ENPP7: variants seen among roughly 807,000 people sequenced by gnomAD.
ENPP7 encodes ectonucleotide pyrophosphatase/phosphodiesterase family member 7.
A neutral mutation model predicts 33.6 loss-of-function variants in ENPP7; 39 were observed. The ratio of observed to expected loss-of-function variants is 1.16; its 90% CI spans 0.90 to 1.52. The LOEUF (loss-of-function observed/expected upper bound fraction) is 1.52, where lower values mean the gene tolerates loss of function less well. Ranked by LOEUF, ENPP7 falls within the 40% of genes most tolerant of loss-of-function variation. ENPP7 has a pLI of 0.00. For synonymous variants in ENPP7, 244 were observed against 274.3 expected (o/e 0.89, Z 1.09); for missense variants, 594 against 641.0 (o/e 0.93, Z 0.79).
Position 79,738,186 on chromosome 17 carries a change from T to C in ENPP7, c.*16+124T>C. 1.0e-6 allele frequency: 1 copy of C among 987,182 alleles called. No homozygotes were observed. The highest frequency in any genetic ancestry group is 1.6e-5 in the African/African-American group (1 of 62,428). 61.2% of individuals were successfully genotyped at this position (987,182 alleles called of 1,614,324 possible). A position where few individuals can be genotyped will look rare whatever the true frequency, so the allele number is the denominator to read the frequency against. On this transcript the variant is annotated intron_variant, in intron 5 of 5. Coordinates refer to ENST00000328313, the MANE Select transcript of ENPP7 (RefSeq NM_178543.5). This position sits in a 1 kb window ranked among gnomAD's most constrained non-coding sequence, Gnocchi z 6.2. Reference sequence around the variant, plus strand: ...TGCCAGGCCCCGCCAAGCAGGTGACTCCCACTGACCTGGCTGCCCCAGAGA... The same window carrying C: ...TGCCAGGCCCCGCCAAGCAGGTGACCCCCACTGACCTGGCTGCCCCAGAGA...
rs1555823794 is a variant in ENPP7, at chr17:79,737,222, A to G, written c.1208A>G (p.Asp403Gly). ...RLLGIVPEAN[D>G]GHLATLLPML... ...CTGGGCATCGTGCCCGAGGCCAACG[A>G]TGGGCACCTAGCTACTCTGCTGCCC... The change falls in exon 4 of 6, where the codon GAT (aspartate) becomes GGT (glycine). Residue 403 changes from aspartate (D) to glycine (G), a missense_variant. Physicochemically the swap from Asp to Gly is moderately conservative, Grantham distance 94. This residue lies in a region of ENPP7 where 504 missense variants were observed against 512.8 expected (regional missense o/e 0.98). Coordinates refer to ENST00000328313, the MANE Select transcript of ENPP7 (RefSeq NM_178543.5). This position sits in a 1 kb window ranked among gnomAD's most constrained non-coding sequence, Gnocchi z 5.5. 6.2e-7 allele frequency: 1 copy of G among 1,610,812 alleles called. No homozygotes were observed. The highest frequency in any genetic ancestry group is 1.1e-5 in the South Asian group (1 of 91,044).
intron 5 of ENPP7, among the ~76,000 whole-genome samples, chr17:79,741,151 A>AT (rs1414130959): frequency 1.1e-4 from 16 of 151,888 alleles, no homozygotes; most frequent in Non-Finnish European, 2.1e-4. Context: ...TGCCCAACTA[A>AT]TTTTTTAATT....
In ENPP7 at chr17:79,735,572, A is replaced by G; in HGVS notation, c.929A>G (p.Tyr310Cys). Reference sequence around the variant, plus strand: ...GACGCCCACCCCAAGCTCCACGTCTACAAGAAGGAGGCGTTCCCCGAGGCC... The same window carrying G: ...GACGCCCACCCCAAGCTCCACGTCTGCAAGAAGGAGGCGTTCCCCGAGGCC... ...LKDAHPKLHV[Y>C]KKEAFPEAFH... Residue 310 changes from tyrosine (Y) to cysteine (C), a missense_variant, in exon 3 of 6, where the codon TAC (tyrosine) becomes TGC (cysteine). Tyr to Cys is a radical substitution (Grantham distance 194). This residue lies in a region of ENPP7 where 504 missense variants were observed against 512.8 expected (regional missense o/e 0.98). Coordinates refer to ENST00000328313, the MANE Select transcript of ENPP7 (RefSeq NM_178543.5). This position sits in a 1 kb window ranked among gnomAD's most constrained non-coding sequence, Gnocchi z 5.5. 2 of 1,613,914 alleles carry G rather than the reference A, an allele frequency of 1.2e-6. No individual in the cohort carries two copies. The highest frequency in any genetic ancestry group is 1.1e-5 in the South Asian group (1 of 91,088).
chr17:79,740,129 T>G (rs1033621754), intron 5 of ENPP7, among the ~76,000 whole-genome samples: 2 of 150,378 alleles, frequency 1.3e-5, no homozygotes, highest in African/African-American at 4.9e-5. Flanking sequence ...GCCCGGGAGG[T>G]GGAGGCTGCA....
At chr17:79,732,131 T>TATATACATATATACACATA (rs1568485076) in intron 1 of ENPP7, among the ~76,000 whole-genome samples, 2 of 20,132 alleles carry the variant, frequency 9.9e-5, no homozygotes, top group Non-Finnish European at 1.0e-4. Flanking sequence ...CATATATATA[T>TATATACATATATACACATA]GTATATATAT....
chr17:79,737,338 A>T lies in ENPP7; in HGVS notation c.1246+78A>T, dbSNP rs2094297899. 1 of 1,260,796 alleles carries T rather than the reference A, an allele frequency of 7.9e-7. No homozygotes were observed. Among genetic ancestry groups the T allele is most frequent in the Admixed American group, 2.0e-5 (1 of 49,856 alleles). 78.1% of individuals were successfully genotyped at this position (1,260,796 alleles called of 1,614,324 possible). ...ACACGAGGGTGCCTGCATGCCTGTG[A>T]CCAGGACACCCTTGAGCCCCAAGTG... On this transcript the variant is annotated intron_variant, in intron 4 of 5. Transcript: ENST00000328313. The surrounding 1 kb of genome is among the most constrained non-coding windows in gnomAD (Gnocchi z 5.5).
At chr17:79,732,798 C>A in intron 1 of ENPP7, among the ~76,000 whole-genome samples, 1 of 152,210 alleles carries the variant, frequency 6.6e-6, no homozygotes, top group Non-Finnish European at 1.5e-5. Flanking sequence ...AATAAGGCCA[C>A]GTTCTAAGGT....
At chr17:79,733,676 T>A (rs752032407) in intron 2 of ENPP7, 23 bp downstream of exon 2, 1 of 1,592,812 alleles carries the variant, frequency 6.3e-7, no homozygotes, top group Non-Finnish European at 8.5e-7. Flanking sequence ...CCGCCCATAC[T>A]GACATCGCAG....
rs2094301776 is a variant in ENPP7, at chr17:79,739,457, G to C, written c.*16+1395G>C. On this transcript the variant is annotated intron_variant, in intron 5 of 5. Transcript: ENST00000328313. The surrounding 1 kb of genome is among the most constrained non-coding windows in gnomAD (Gnocchi z 4.4). ...AGCCGGACATTCCAGTGGCGGGGTGGAGAAGCTGCAATGTGCACAGATTCC... is the reference window on the plus strand; with the variant it reads ...AGCCGGACATTCCAGTGGCGGGGTGCAGAAGCTGCAATGTGCACAGATTCC... The C allele has an allele frequency of 6.6e-6, 1 of 152,344 alleles. No individual in the cohort carries two copies. The highest frequency in any genetic ancestry group is 1.5e-5 in the Non-Finnish European group (1 of 68,120). The allele number at this position is 152,344 out of a possible 1,614,324, so 9.4% of individuals were successfully genotyped here. A position where few individuals can be genotyped will look rare whatever the true frequency, so the allele number is the denominator to read the frequency against.
Position 79,735,107 on chromosome 17 carries a change from C to T in ENPP7, c.464C>T (p.Thr155Met), listed in dbSNP as rs376880357. The T allele has an allele frequency of 4.4e-5, 71 of 1,612,874 alleles. No individual in the cohort carries two copies. Among genetic ancestry groups the T allele is most frequent in the African/African-American group, 2.7e-4 (20 of 74,906 alleles). ...GTCACCTACCAAGGGGTGGCTGTGA[C>T]GCGGAGCCGGAAAGAAGGCATCGCA... ...GNVTYQGVAV[T>M]RSRKEGIAHN... Residue 155 changes from threonine to methionine, a missense_variant, in exon 3 of 6, where the codon ACG becomes ATG. By Grantham distance (81) the Thr-to-Met change is moderately conservative. This residue lies in a region of ENPP7 where 504 missense variants were observed against 512.8 expected (regional missense o/e 0.98). Transcript: ENST00000328313. This position sits in a 1 kb window ranked among gnomAD's most constrained non-coding sequence, Gnocchi z 5.5.
chr17:79,738,878 C>T lies in ENPP7; in HGVS notation c.*16+816C>T, dbSNP rs1170015770. 2.0e-5 allele frequency: 3 copies of T among 152,254 alleles called. No homozygotes were observed. Among genetic ancestry groups the T allele is most frequent in the Non-Finnish European group, 4.4e-5 (3 of 68,122 alleles). The allele number at this position is 152,254 out of a possible 1,614,324, so 9.4% of individuals were successfully genotyped here. ...CCCGAAAATATGTAACGGGAGCCAG[C>T]TCCATGCCACGCTCTGGTCTGGGCT... is the stretch of plus-strand genomic sequence containing the variant. On this transcript the variant is annotated intron_variant, in intron 5 of 5. Transcript: ENST00000328313. This position sits in a 1 kb window ranked among gnomAD's most constrained non-coding sequence, Gnocchi z 6.2.
At chr17:79,734,949 G>A (rs1404956894) in intron 2 of ENPP7, 94 bp from the exon 3 acceptor site, 2 of 1,355,812 alleles carry the variant, frequency 1.5e-6, no homozygotes, top group East Asian at 4.8e-5. Flanking sequence ...GTGGAACAGA[G>A]AAGTAGGCAC....
chr17:79,735,495 G>A lies in ENPP7; in HGVS notation c.852G>A (p.Gly284=), dbSNP rs781862068. The part of the protein sequence containing the change: ...EFELLDYGPN[G]MLLPKEGRLE... ...AGCTCCTGGACTACGGACCAAACGG[G>A]ATGCTGCTCCCTAAAGAAGGGAGGC... Residue 284 remains glycine (G), a synonymous_variant, in exon 3 of 6, where the codon GGG becomes GGA. Coordinates refer to ENST00000328313, the MANE Select transcript of ENPP7 (RefSeq NM_178543.5). The surrounding 1 kb of genome is among the most constrained non-coding windows in gnomAD (Gnocchi z 5.5). 1 of 1,614,006 alleles carries A rather than the reference G, an allele frequency of 6.2e-7. No individual in the cohort carries two copies. Among genetic ancestry groups the A allele is most frequent in the African/African-American group, 1.3e-5 (1 of 74,926 alleles).
In ENPP7 at chr17:79,737,063, A is replaced by G; in HGVS notation, c.1049A>G (p.Asn350Ser). The G allele has an allele frequency of 6.2e-7, 1 of 1,614,118 alleles. No individual in the cohort carries two copies. Among genetic ancestry groups the G allele is most frequent in the Non-Finnish European group, 8.5e-7 (1 of 1,180,024 alleles). Residue 350 changes from asparagine to serine, a missense_variant, in exon 4 of 6, where the codon AAT becomes AGT. Asn to Ser is a conservative substitution (Grantham distance 46). Coordinates refer to ENST00000328313, the MANE Select transcript of ENPP7 (RefSeq NM_178543.5). This position sits in a 1 kb window ranked among gnomAD's most constrained non-coding sequence, Gnocchi z 5.5. ...IHGRINVQFN[N>S]GEHGFDNKDM... ...CAGAGAATTAACGTCCAGTTCAACA[A>G]TGGGGAGCACGGCTTTGACAACAAG...
intron 3 of ENPP7, among the ~76,000 whole-genome samples, chr17:79,736,230 G>T (rs889707552): frequency 6.6e-6 from 1 of 151,936 alleles, no homozygotes; most frequent in East Asian, 1.9e-4. Flanking sequence ...TGTAGAGACA[G>T]GGTTTTGCAT....
Position 79,733,595 on chromosome 17 carries a change from G to C in ENPP7, c.341G>C (p.Gly114Ala). The C allele has an allele frequency of 6.2e-7, 1 of 1,613,496 alleles. No homozygotes were observed. Among genetic ancestry groups the C allele is most frequent in the Non-Finnish European group, 8.5e-7 (1 of 1,179,998 alleles). ...KVKLPYHATL[G>A]IQRWWDNGSV... ...AAGCTGCCCTACCACGCCACGCTGG[G>C]CATCCAGAGGTGGTGGGACAACGGC... Residue 114 changes from glycine to alanine, a missense_variant, in exon 2 of 6, where the codon GGC (glycine) becomes GCC (alanine). Physicochemically the swap from Gly to Ala is moderately conservative, Grantham distance 60. Around this residue, in one of 3 missense-constraint regions of ENPP7, gnomAD observed 504 missense variants for 512.8 expected, o/e 0.98. Transcript: ENST00000328313.
At position 79,735,137 on chromosome 17, in the gene ENPP7, A is replaced by G. The variant is rs782350663; in HGVS notation, c.494A>G (p.Asn165Ser). The G allele has an allele frequency of 2.5e-6, 4 of 1,613,212 alleles. No individual in the cohort carries two copies. The Admixed American group carries it at 6.7e-5, about 27-fold the overall frequency. The part of the protein sequence containing the change: ...TRSRKEGIAH[N>S]YKNETEWRAN... The stretch of plus-strand genomic sequence containing the variant: ...AGCCGGAAAGAAGGCATCGCACACA[A>G]CTACAAAAATGAGACGGAGTGGAGA... The change falls in exon 3 of 6, where the codon AAC (asparagine) becomes AGC (serine). Residue 165 changes from asparagine (N) to serine (S), a missense_variant. This residue lies in a region of ENPP7 where 504 missense variants were observed against 512.8 expected (regional missense o/e 0.98). Coordinates refer to ENST00000328313, the MANE Select transcript of ENPP7 (RefSeq NM_178543.5). This position sits in a 1 kb window ranked among gnomAD's most constrained non-coding sequence, Gnocchi z 5.5.
rs78027659 is a variant in ENPP7, at chr17:79,735,591, C to T, written c.948C>T (p.Pro316=). 1.1e-4 allele frequency: 181 copies of T among 1,613,830 alleles called. No homozygotes were observed. In the African/African-American group the frequency reaches 1.3e-3, roughly 12 times the overall value. Residue 316 remains proline, a synonymous_variant, in exon 3 of 6, where the codon CCC becomes CCT. Transcript: ENST00000328313. The surrounding 1 kb of genome is among the most constrained non-coding windows in gnomAD (Gnocchi z 5.5). ...KLHVYKKEAF[P]EAFHYANNPR... ...ACGTCTACAAGAAGGAGGCGTTCCC[C>T]GAGGCCTTCCACTACGCCAACAACC... is the stretch of plus-strand genomic sequence containing the variant.
intron 1 of ENPP7, among the ~76,000 whole-genome samples, chr17:79,732,467 C>T (rs910812999): frequency 1.6e-4 from 24 of 152,040 alleles, no homozygotes; most frequent in African/African-American, 5.3e-4. Flanking sequence ...CCCACAGAAA[C>T]GGATCCGCAT....
Sources: gnomAD v4.1 joint callset for allele counts (sites outside exome capture counted in the v4.1 genomes callset) on GRCh38, gnomAD v4.1.1 for gene constraint, gnomAD v4.1.1 regional missense constraint, Gnocchi (gnomAD v3.1) non-coding constraint, MANE v1.5 for transcripts, NCBI Gene and HGNC (gene_info 2026-07-23, HGNC 2026-07-21) for gene names.